Variants in PGGT1B observed in about 807,000 individuals in gnomAD.
PGGT1B encodes the protein geranylgeranyl transferase type-1 subunit beta.
PGGT1B carries 30 observed loss-of-function variants against 46.1 expected under a neutral mutation model. The observed-to-expected ratio is 0.65, with a 90% CI of 0.49 to 0.88. The LOEUF is 0.88. Among genes scored for constraint, PGGT1B ranks in the 40% least tolerant of loss-of-function variants. The pLI, the probability that PGGT1B is intolerant of heterozygous loss-of-function variation, is 0.00. For synonymous variants in PGGT1B, 170 were observed against 160.0 expected (o/e 1.06, Z -0.47); for missense variants, 376 against 455.9 (o/e 0.82, Z 1.60).
chr5:115,247,561 T>TA (rs1470706493), intron 2 of PGGT1B, among the ~76,000 whole-genome samples: 1 of 152,142 alleles, frequency 6.6e-6, no homozygotes, highest in Non-Finnish European at 1.5e-5. Flanking sequence ...GATAGAGAAA[T>TA]AATTCCACAT....
Position 115,253,202 on chromosome 5 carries a change from T to C in PGGT1B, c.194A>G (p.Asp65Gly), listed in dbSNP as rs746464527. The C allele has an allele frequency of 6.2e-7, 1 of 1,602,078 alleles. No individual in the cohort carries two copies. The highest frequency in any genetic ancestry group is 1.7e-5 in the Admixed American group (1 of 57,270). The change falls in exon 2 of 9, where the codon GAT (aspartate) becomes GGT (glycine). Residue 65 changes from aspartate (D) to glycine (G), a missense_variant. This residue lies in a region of PGGT1B where 154 missense variants were observed against 142.3 expected (regional missense o/e 1.08). Transcript: ENST00000419445. ...TATTATATCATCTTTGTTCACCACATCTAAGGAATCCAACATATCCAGCCC... is the reference window on the plus strand; with the variant it reads ...TATTATATCATCTTTGTTCACCACACCTAAGGAATCCAACATATCCAGCCC... Reference protein sequence around the residue: ...LSGLDMLDSLDVVNKDDIIEW... With the variant: ...LSGLDMLDSLGVVNKDDIIEW...
At chr5:115,215,256 C>T (rs911104850) in intron 8 of PGGT1B, among the ~76,000 whole-genome samples, 13 of 152,052 alleles carry the variant, frequency 8.5e-5, no homozygotes, top group African/African-American at 2.7e-4. Context: ...CATCAGCCTC[C>T]CAAAGCTGGG....
intron 8 of PGGT1B, among the ~76,000 whole-genome samples, chr5:115,213,644 G>A (rs542517457): frequency 9.2e-5 from 14 of 151,742 alleles, no homozygotes; most frequent in East Asian, 5.8e-4. Flanking sequence ...GGTGGCGTGC[G>A]CCTGTAGTTC....
At chr5:115,252,732 AT>A in intron 2 of PGGT1B, 1 of 156,174 alleles carries the variant, frequency 6.4e-6, no homozygotes, top group Middle Eastern at 3.2e-3. Context: ...AGGGAAAATA[AT>A]CAGGAAACTG....
intron 3 of PGGT1B, among the ~76,000 whole-genome samples, 189 bp downstream of exon 3, chr5:115,241,350 T>G (rs1757339124): frequency 6.6e-6 from 1 of 152,162 alleles, no homozygotes; most frequent in African/African-American, 2.4e-5. Context: ...GTGCACTTCT[T>G]TGAGGAAGTA....
intron 2 of PGGT1B, among the ~76,000 whole-genome samples, chr5:115,242,902 G>A (rs1279551584): frequency 6.6e-6 from 1 of 152,124 alleles, no homozygotes; most frequent in Non-Finnish European, 1.5e-5. Flanking sequence ...GGGAGGTGGA[G>A]GTTGCAATGA....
intron 8 of PGGT1B, among the ~76,000 whole-genome samples, chr5:115,215,546 C>T (rs1335074333): frequency 6.6e-6 from 1 of 152,106 alleles, no homozygotes; most frequent in African/African-American, 2.4e-5. Context: ...GATCCGCCCA[C>T]CTCAGCCTCC....
intron 2 of PGGT1B, among the ~76,000 whole-genome samples, chr5:115,243,652 G>A (rs577606996): frequency 6.6e-6 from 1 of 152,306 alleles, no homozygotes; most frequent in East Asian, 1.9e-4. Context: ...TGTAAGGTCA[G>A]AAGTCTAACA....
At chr5:115,239,605 C>T (rs1180261210) in intron 3 of PGGT1B, among the ~76,000 whole-genome samples, 7 of 152,110 alleles carry the variant, frequency 4.6e-5, no homozygotes, top group Admixed American at 4.6e-4. Flanking sequence ...GAAGATAAGT[C>T]TACTCAAATA....
At chr5:115,247,369 A>G (rs1040946521) in intron 2 of PGGT1B, among the ~76,000 whole-genome samples, 15 of 152,294 alleles carry the variant, frequency 9.8e-5, no homozygotes, top group African/African-American at 3.4e-4. Flanking sequence ...TCTTGGGCCA[A>G]AATATCACCA....
chr5:115,243,031 T>C (rs1036971035), intron 2 of PGGT1B, among the ~76,000 whole-genome samples: 1 of 152,178 alleles, frequency 6.6e-6, no homozygotes, highest in African/African-American at 2.4e-5. Context: ...TCCTAAGGAC[T>C]TTTAAATTGG....
chr5:115,234,958 C>T (rs1757130475), intron 5 of PGGT1B, among the ~76,000 whole-genome samples: 1 of 151,996 alleles, frequency 6.6e-6, no homozygotes, highest in Admixed American at 6.6e-5. Flanking sequence ...CATCGCAATA[C>T]CAATGAGCAT....
intron 1 of PGGT1B, among the ~76,000 whole-genome samples, chr5:115,253,843 C>G (rs561962943): frequency 6.6e-6 from 1 of 152,068 alleles, no homozygotes; most frequent in South Asian, 2.1e-4. Flanking sequence ...AACTATAGAG[C>G]AAAACCTTCC....
Position 115,262,875 on chromosome 5 carries a change from C to G in PGGT1B, c.-24G>C. ...ATGCTGCTCCGGAAGCGACGTCCGC[C>G]GCGACCCGGAATCAGTGCCCGCGGA... is the stretch of plus-strand genomic sequence containing the variant. On this transcript the variant is annotated 5_prime_UTR_variant, in exon 1 of 9. Coordinates refer to ENST00000419445, the MANE Select transcript of PGGT1B (RefSeq NM_005023.4). The G allele has an allele frequency of 6.2e-7, 1 of 1,611,140 alleles. No homozygotes were observed. Among genetic ancestry groups the G allele is most frequent in the Non-Finnish European group, 8.5e-7 (1 of 1,179,328 alleles).
In PGGT1B at chr5:115,209,438, A is replaced by G. The variant is rs1416461356; in HGVS notation, c.*2964T>C. The G allele has an allele frequency of 6.6e-6, 1 of 152,100 alleles. No homozygotes were observed. Among genetic ancestry groups the G allele is most frequent in the Non-Finnish European group, 1.5e-5 (1 of 67,998 alleles). 9.4% of individuals were successfully genotyped at this position (152,100 alleles called of 1,614,324 possible). A position where few individuals can be genotyped will look rare whatever the true frequency, so the allele number is the denominator to read the frequency against. On this transcript the variant is annotated 3_prime_UTR_variant, in exon 9 of 9. Coordinates refer to ENST00000419445, the MANE Select transcript of PGGT1B (RefSeq NM_005023.4). ...GCCCGCTGCACTTTGTAGTTGAGAA[A>G]CTGTGGGCAGTGTTGTAGTTCTCCA...
At chr5:115,231,045 G>C (rs753373112) in intron 5 of PGGT1B, 24 bp from the exon 6 acceptor site, 2 of 1,322,704 alleles carry the variant, frequency 1.5e-6, no homozygotes, top group Non-Finnish European at 2.1e-6. Flanking sequence ...ACATTGTTCA[G>C]TTTAATAGGG....
chr5:115,224,440 T>C (rs1756696418), intron 6 of PGGT1B, among the ~76,000 whole-genome samples: 1 of 152,242 alleles, frequency 6.6e-6, no homozygotes, highest in African/African-American at 2.4e-5. Flanking sequence ...GAAGTAAGTT[T>C]GGACTCTGGA....
At chr5:115,234,262 C>A (rs1757101864) in intron 5 of PGGT1B, among the ~76,000 whole-genome samples, 1 of 148,624 alleles carries the variant, frequency 6.7e-6, no homozygotes. Context: ...AAAGGAAAAG[C>A]ATTAAAAATA....
intron 2 of PGGT1B, among the ~76,000 whole-genome samples, chr5:115,250,485 G>A (rs1748044868): frequency 6.6e-6 from 1 of 152,104 alleles, no homozygotes; most frequent in South Asian, 2.1e-4. Context: ...CAATTCAGGT[G>A]GAGGCAAAAA....
Sources: allele counts gnomAD v4.1 joint callset (sites outside exome capture counted in the v4.1 genomes callset), GRCh38; gene constraint gnomAD v4.1.1; regional missense constraint gnomAD v4.1.1; transcripts MANE v1.5; gene names NCBI Gene and HGNC (gene_info 2026-07-23, HGNC 2026-07-21).